NRXN1: variants seen among roughly 807,000 people sequenced by gnomAD.
NRXN1 encodes neurexin 1.
A neutral mutation model predicts 150.9 loss-of-function variants in NRXN1; 39 were observed. That is an observed-to-expected ratio of 0.26 (90% CI 0.20 to 0.34). The LOEUF is 0.34. Among genes scored for constraint, NRXN1 ranks in the 10% least tolerant of loss-of-function variants. The pLI is 1.00. For missense variants in NRXN1, 1,815 were observed against 1,949.9 expected (o/e 0.93, Z 1.30); for synonymous variants, 924 against 757.0 (o/e 1.22, Z -3.62).
At chr2:50,224,693 AAGAG>A (rs201700032) in intron 18 of NRXN1, among the ~76,000 whole-genome samples, 1,817 of 130,452 alleles carry the variant, frequency 0.014, 14 homozygotes, top group South Asian at 0.027. Flanking sequence ...GAGAGGGAGA[AAGAG>A]AGAGAGAGAG....
At chr2:50,075,194 T>C (rs559775334) in intron 19 of NRXN1, among the ~76,000 whole-genome samples, 2 of 152,370 alleles carry the variant, frequency 1.3e-5, no homozygotes, top group African/African-American at 2.4e-5. Context: ...AACCCTATTA[T>C]ACACCTTTCT....
At chr2:50,703,054 C>A (rs1693974887) in intron 5 of NRXN1, among the ~76,000 whole-genome samples, 1 of 152,098 alleles carries the variant, frequency 6.6e-6, no homozygotes, top group Non-Finnish European at 1.5e-5. Flanking sequence ...ACAGTCTCAA[C>A]ATTCTCAAAT....
intron 5 of NRXN1, among the ~76,000 whole-genome samples, chr2:50,624,374 T>C (rs1680608992): frequency 6.6e-6 from 1 of 152,100 alleles, no homozygotes; most frequent in Admixed American, 6.6e-5. Flanking sequence ...CATAAATGCA[T>C]ATTGGATGGT....
At chr2:50,312,860 G>T (rs1289743731) in intron 17 of NRXN1, 1 of 458,320 alleles carries the variant, frequency 2.2e-6, no homozygotes, top group Non-Finnish European at 4.4e-6. Context: ...TTTAAGTTTT[G>T]ATAGAGGCAG....
rs140254223 is a variant in NRXN1 at position 50,689,587 on chromosome 2, T to C, written c.833-65972A>G. 3.0e-3 allele frequency among the ~76,000 whole-genome samples: 462 copies of C among 152,308 alleles called. 4 individuals are homozygous for C. Among genetic ancestry groups the C allele is most frequent in the Non-Finnish European group, 5.8e-3 (394 of 68,014 alleles). ...CTATATTTTTAATCTAAGTTTAGCA[T>C]GGTTGCTTGGTCTTGCACTGTCATG... On this transcript the variant is annotated intron_variant, in intron 5 of 22. Coordinates refer to ENST00000401669, the MANE Select transcript of NRXN1 (RefSeq NM_001330078.2).
At chr2:50,373,711 G>GAAAGAA (rs71404950) in intron 17 of NRXN1, among the ~76,000 whole-genome samples, 22 of 86,218 alleles carry the variant, frequency 2.6e-4, no homozygotes, top group South Asian at 3.8e-4. Flanking sequence ...AAGAAAGAAA[G>GAAAGAA]AGAAAGAAAG....
chr2:50,954,457 G>A (rs1380384440), intron 2 of NRXN1, among the ~76,000 whole-genome samples: 1 of 152,168 alleles, frequency 6.6e-6, no homozygotes, highest in African/African-American at 2.4e-5. Context: ...CCAACCCAGA[G>A]CGGGTTCAGC....
intron 18 of NRXN1, among the ~76,000 whole-genome samples, chr2:50,111,659 T>G (rs1301895160): frequency 2.0e-5 from 3 of 151,604 alleles, no homozygotes; most frequent in Non-Finnish European, 4.4e-5. Flanking sequence ...AAAAAAAAAG[T>G]TACTCTCATG....
chr2:50,895,442 C>T (rs1021892898), intron 5 of NRXN1, among the ~76,000 whole-genome samples: 5 of 152,050 alleles, frequency 3.3e-5, no homozygotes, highest in South Asian at 2.1e-4. Flanking sequence ...TTTTCTCTTC[C>T]GTAACATAAA....
chr2:50,248,227 T>C (rs910328270), intron 17 of NRXN1, among the ~76,000 whole-genome samples: 8 of 152,046 alleles, frequency 5.3e-5, no homozygotes, highest in Non-Finnish European at 1.2e-4. Flanking sequence ...GTTTCCCAGG[T>C]TGGTTTCAAA....
At chr2:50,664,878 A>C (rs1323429753) in intron 5 of NRXN1, among the ~76,000 whole-genome samples, 2 of 151,942 alleles carry the variant, frequency 1.3e-5, no homozygotes, top group Non-Finnish European at 2.9e-5. Context: ...TTGCAGAACA[A>C]TACTTCTTAA....
intron 18 of NRXN1, among the ~76,000 whole-genome samples, chr2:50,213,642 G>A (rs544202162): frequency 1.1e-4 from 16 of 151,878 alleles, no homozygotes; most frequent in South Asian, 4.1e-4. Context: ...CTAACCCACC[G>A]AAATTTTTAG....
rs191354402 is a variant in NRXN1, at chr2:50,624,389, C to T, written c.833-774G>A. 1.2e-3 allele frequency among the ~76,000 whole-genome samples: 180 copies of T among 152,210 alleles called. No homozygotes were observed. In the Middle Eastern group the frequency reaches 0.021, roughly 17 times the overall value. ...CATAAATGCATATTGGATGGTTCCA[C>T]TCTGCTGACAACAATGGATTCCAAG... On this transcript the variant is annotated intron_variant, in intron 5 of 22. Coordinates refer to ENST00000401669, the MANE Select transcript of NRXN1 (RefSeq NM_001330078.2).
chr2:50,352,490 C>A (rs1572644317), intron 17 of NRXN1, among the ~76,000 whole-genome samples: 1 of 151,972 alleles, frequency 6.6e-6, no homozygotes, highest in African/African-American at 2.4e-5. Context: ...ACAGGCAGCA[C>A]TAATATTTTA....
chr2:50,878,598 C>A (rs1678960573), intron 5 of NRXN1, among the ~76,000 whole-genome samples: 1 of 151,938 alleles, frequency 6.6e-6, no homozygotes, highest in Non-Finnish European at 1.5e-5. Flanking sequence ...ACTACCACCT[C>A]TTTAAAAGTG....
chr2:50,911,260 C>T (rs999774883), intron 5 of NRXN1, among the ~76,000 whole-genome samples: 1 of 151,896 alleles, frequency 6.6e-6, no homozygotes, highest in South Asian at 2.1e-4. Flanking sequence ...ACACCTTGCT[C>T]TTGCAGTGAC....
At chr2:50,010,232 C>T (rs1685434032) in intron 21 of NRXN1, among the ~76,000 whole-genome samples, 1 of 152,042 alleles carries the variant, frequency 6.6e-6, no homozygotes, top group African/African-American at 2.4e-5. Context: ...AAGCATTCAT[C>T]TCTACATTTA....
intron 18 of NRXN1, among the ~76,000 whole-genome samples, chr2:50,182,404 T>G (rs2152812460): frequency 6.6e-6 from 1 of 152,184 alleles, no homozygotes; most frequent in South Asian, 2.1e-4. Flanking sequence ...GCTGAATGGC[T>G]CCCACGTTTT....
At chr2:49,966,950 GTT>G (rs1677071370) in intron 21 of NRXN1, among the ~76,000 whole-genome samples, 1 of 152,090 alleles carries the variant, frequency 6.6e-6, no homozygotes, top group African/African-American at 2.4e-5. Flanking sequence ...CCTGTTAATT[GTT>G]TTTACTCCTA....
Sources: allele counts gnomAD v4.1 joint callset (sites outside exome capture counted in the v4.1 genomes callset), GRCh38; gene constraint gnomAD v4.1.1; transcripts MANE v1.5; gene names NCBI Gene and HGNC (gene_info 2026-07-23, HGNC 2026-07-21).